FAAH2: variants seen among roughly 807,000 people sequenced by gnomAD.
FAAH2 encodes fatty-acid amide hydrolase 2.
Under a neutral mutation model 36.9 loss-of-function variants are expected in FAAH2, and 60 were observed. The ratio of observed to expected loss-of-function variants is 1.63; its 90% CI spans 1.32 to 2.02. FAAH2 has a LOEUF of 2.02. FAAH2 is among the 30% of genes most tolerant of loss of function. The pLI is 0.00. For synonymous variants in FAAH2, 214 were observed against 143.8 expected, an observed-to-expected ratio of 1.49 and a Z score of -3.49; for missense variants, 689 against 397.5, an observed-to-expected ratio of 1.73 and a Z score of -6.23.
intron 7 of FAAH2, among the ~76,000 whole-genome samples, chrX:57,383,486 A>T (rs192560648): frequency 9.8e-5 from 11 of 112,324 alleles, no homozygotes; most frequent in African/African-American, 1.9e-4. Flanking sequence ...GACTCAGGAT[A>T]CAAAATCAAT....
chrX:57,457,805 A>G lies in FAAH2; in HGVS notation c.1423+9087A>G, dbSNP rs770859110. On this transcript the variant is annotated intron_variant, in intron 10 of 10. Coordinates refer to ENST00000374900, the MANE Select transcript of FAAH2 (RefSeq NM_174912.4). Reference sequence around the variant, plus strand: ...GCTAAAAGAAATCAGAGGTAACACAAATAAATGGGAAAATATTTCATGCTC... The same window carrying G: ...GCTAAAAGAAATCAGAGGTAACACAGATAAATGGGAAAATATTTCATGCTC... 2.7e-5 allele frequency among the ~76,000 whole-genome samples: 3 copies of G among 111,210 alleles called. No individual in the cohort carries two copies. The East Asian group carries it at 8.5e-4, about 31-fold the overall frequency.
At chrX:57,381,090 C>A (rs1356433298) in intron 7 of FAAH2, 61 bp downstream of exon 7, 2 of 854,476 alleles carry the variant, frequency 2.3e-6, no homozygotes, top group Non-Finnish European at 1.7e-6. Context: ...CCTTCTGAGC[C>A]CTTTACTTCA....
chrX:57,371,288 A>G (rs962640357), intron 5 of FAAH2, among the ~76,000 whole-genome samples: 2 of 110,939 alleles, frequency 1.8e-5, no homozygotes, highest in African/African-American at 6.6e-5. Flanking sequence ...CTATTTTTCT[A>G]AACTCTATGT....
the FAAH2 span, among the ~76,000 whole-genome samples, chrX:57,185,536 G>A: frequency 4.6e-5 from 5 of 108,593 alleles, no homozygotes; most frequent in African/African-American, 1.0e-4. Flanking sequence ...TCGTGTGTGC[G>A]TGTATGTGTG....
chrX:57,244,009 T>C, the FAAH2 span, among the ~76,000 whole-genome samples: 1 of 102,645 alleles, frequency 9.7e-6, no homozygotes, highest in Non-Finnish European at 2.0e-5. Context: ...GAAAAAAAGG[T>C]TCGTTGAATT....
chrX:57,341,352 CT>C lies in FAAH2; in HGVS notation c.707del (p.Phe236SerfsTer48), dbSNP rs1430389147. 4.1e-6 allele frequency: 5 copies of C among 1,208,742 alleles called. No individual in the cohort carries two copies. Among genetic ancestry groups the C allele is most frequent in the Non-Finnish European group, 5.6e-6 (5 of 894,483 alleles). On this transcript the variant is annotated frameshift_variant, in exon 5 of 11. Transcript: ENST00000374900. LOFTEE classifies it high-confidence loss of function. ...SDIGGSIRMP[A>X]FFNGIFGHKP... ...ATTGGTGGTAGCATTCGAATGCCTG[CT>C]TTCTTCAATGGTATATTTGGACACA... is the stretch of plus-strand genomic sequence containing the variant.
chrX:57,367,725 T>A (rs1337662433), intron 5 of FAAH2, among the ~76,000 whole-genome samples: 5 of 111,716 alleles, frequency 4.5e-5, no homozygotes, highest in Non-Finnish European at 5.6e-5. Flanking sequence ...TAAGGGGGAC[T>A]TCCCTCTGCA....
the FAAH2 span, among the ~76,000 whole-genome samples, chrX:57,129,700 C>G: frequency 9.0e-6 from 1 of 111,723 alleles, no homozygotes; most frequent in African/African-American, 3.2e-5. Flanking sequence ...ATCATTTTTT[C>G]TTTTTAGTAC....
chrX:57,414,383 A>G (rs1384129088), intron 7 of FAAH2, among the ~76,000 whole-genome samples: 1 of 111,969 alleles, frequency 8.9e-6, no homozygotes, highest in Non-Finnish European at 1.9e-5. Context: ...ATTTTGAGAT[A>G]TGTTTAATCA....
At chrX:57,310,544 G>T (rs1475938385) in intron 2 of FAAH2, 49 bp from the exon 3 acceptor site, 4 of 1,160,396 alleles carry the variant, frequency 3.4e-6, no homozygotes, top group Admixed American at 2.6e-5. Flanking sequence ...AATAAAGTTG[G>T]TTGGATGACT....
At chrX:57,192,657 T>C in the FAAH2 span, among the ~76,000 whole-genome samples, 2 of 111,770 alleles carry the variant, frequency 1.8e-5, no homozygotes, top group East Asian at 2.8e-4. Flanking sequence ...TTTTTATTTG[T>C]TACAGGAAGT....
At chrX:57,461,526 C>T in intron 10 of FAAH2, among the ~76,000 whole-genome samples, 1 of 111,540 alleles carries the variant, frequency 9.0e-6, no homozygotes, top group East Asian at 2.8e-4. Context: ...TACATGGAAA[C>T]TCAACAACCT....
intron 10 of FAAH2, among the ~76,000 whole-genome samples, chrX:57,451,585 G>A (rs2056784312): frequency 2.7e-5 from 3 of 111,340 alleles, no homozygotes; most frequent in East Asian, 2.8e-4. Flanking sequence ...ATCAGAGGAA[G>A]GATGTTGAGT....
intron 4 of FAAH2, among the ~76,000 whole-genome samples, chrX:57,336,537 C>T (rs1017307118): frequency 9.0e-6 from 1 of 111,403 alleles, no homozygotes. Flanking sequence ...TTTCTTTTCC[C>T]CACATTACAG....
chrX:57,191,058 C>T, the FAAH2 span, among the ~76,000 whole-genome samples: 57 of 111,528 alleles, frequency 5.1e-4, no homozygotes, highest in African/African-American at 1.8e-3. Flanking sequence ...TTTAAGAAAT[C>T]TCCAAACTGT....
At chrX:57,395,927 G>A (rs1181286346) in intron 7 of FAAH2, among the ~76,000 whole-genome samples, 2 of 111,926 alleles carry the variant, frequency 1.8e-5, no homozygotes, top group Non-Finnish European at 3.8e-5. Flanking sequence ...ATTGGGACAA[G>A]TTTTTTGTAT....
chrX:57,242,940 C>T, the FAAH2 span, among the ~76,000 whole-genome samples: 3 of 111,782 alleles, frequency 2.7e-5, no homozygotes, highest in African/African-American at 9.7e-5. Flanking sequence ...GGGGCTGAAG[C>T]CAGAGAGACA....
At chrX:57,458,404 A>T (rs970474151) in intron 10 of FAAH2, among the ~76,000 whole-genome samples, 5 of 111,381 alleles carry the variant, frequency 4.5e-5, no homozygotes, top group Non-Finnish European at 9.4e-5. Flanking sequence ...GAGGCAGGAG[A>T]ATCGCTTGAA....
In FAAH2 at chrX:57,471,657, G is replaced by A. The variant is rs143913796; in HGVS notation, c.1424-17100G>A. 4.1e-3 allele frequency among the ~76,000 whole-genome samples: 461 copies of A among 111,692 alleles called. 3 individuals carry two copies. The highest frequency in any genetic ancestry group is 0.014 in the African/African-American group (441 of 30,727). On this transcript the variant is annotated intron_variant, in intron 10 of 10. Coordinates refer to ENST00000374900, the MANE Select transcript of FAAH2 (RefSeq NM_174912.4). ...AGGAAGAATCAATATCGTGAAAATG[G>A]CCATACTGCCCAAGGTAATTTATAG...
Sources: gnomAD v4.1 joint callset for allele counts (sites outside exome capture counted in the v4.1 genomes callset) on GRCh38, gnomAD v4.1.1 for gene constraint, MANE v1.5 for transcripts, NCBI Gene and HGNC (gene_info 2026-07-23, HGNC 2026-07-21) for gene names.